MDGA2: variants seen among roughly 807,000 people sequenced by gnomAD.
The protein encoded by MDGA2 is MAM domain containing glycosylphosphatidylinositol anchor 2.
In MDGA2, 40 loss-of-function variants were observed where a neutral mutation model predicts 117.8. The ratio of observed to expected loss-of-function variants is 0.34; its 90% CI spans 0.26 to 0.44. The LOEUF is 0.44. Among genes scored for constraint, MDGA2 ranks in the 20% least tolerant of loss-of-function variants. MDGA2 has a pLI of 1.00. For missense variants in MDGA2, 1,123 were observed against 1,250.6 expected, an observed-to-expected ratio of 0.90 and a Z score of 1.54; for synonymous variants, 452 against 439.0, an observed-to-expected ratio of 1.03 and a Z score of -0.37.
chr14:47,175,740 A>G (rs1884413238), intron 3 of MDGA2, among the ~76,000 whole-genome samples: 1 of 146,330 alleles, frequency 6.8e-6, no homozygotes, highest in Non-Finnish European at 1.5e-5. Flanking sequence ...AAACTGGCAC[A>G]AGACAGGGAT....
At chr14:46,985,698 C>T (rs17117878) in intron 8 of MDGA2, among the ~76,000 whole-genome samples, 11,810 of 152,028 alleles carry the variant, frequency 0.078, 765 homozygotes, top group Admixed American at 0.19. Context: ...CTGATAAAGT[C>T]GAGCATTAGT....
chr14:46,935,042 A>G (rs1566533538), intron 9 of MDGA2, among the ~76,000 whole-genome samples: 1 of 152,094 alleles, frequency 6.6e-6, no homozygotes, highest in African/African-American at 2.4e-5. Context: ...TAAAAAAAAA[A>G]AGAGTTATGC....
intron 1 of MDGA2, among the ~76,000 whole-genome samples, chr14:47,455,870 G>C (rs1221053194): frequency 2.6e-5 from 4 of 151,982 alleles, no homozygotes; most frequent in African/African-American, 9.7e-5. Context: ...AGTGGTGGGT[G>C]CCTGTAATCC....
intron 1 of MDGA2, among the ~76,000 whole-genome samples, chr14:47,609,403 T>C (rs1304880662): frequency 2.7e-5 from 3 of 111,240 alleles, no homozygotes; most frequent in Non-Finnish European, 5.7e-5. Flanking sequence ...ATTCATTCCT[T>C]TTCTATGGCT....
At chr14:47,656,411 A>C (rs966637243) in intron 1 of MDGA2, among the ~76,000 whole-genome samples, 4 of 152,182 alleles carry the variant, frequency 2.6e-5, no homozygotes, top group Non-Finnish European at 5.9e-5. Context: ...CCAAAAAGGT[A>C]CTGCACCTGC....
At chr14:47,283,376 T>G (rs1888566002) in intron 2 of MDGA2, among the ~76,000 whole-genome samples, 1 of 152,204 alleles carries the variant, frequency 6.6e-6, no homozygotes, top group Non-Finnish European at 1.5e-5. Flanking sequence ...TCAACTCTAT[T>G]TTTTGCTATT....
intron 1 of MDGA2, among the ~76,000 whole-genome samples, chr14:47,512,339 G>T (rs1277039806): frequency 6.6e-6 from 1 of 151,994 alleles, no homozygotes; most frequent in East Asian, 1.9e-4. Context: ...TTCTGCATTA[G>T]GAAATTTTCA....
In MDGA2 at chr14:47,042,236, A is replaced by G. The variant is rs531570857; in HGVS notation, c.1526-6932T>C. ...AATAATTCTCATCCTGACCAGATAT[A>G]AACAAATGTAAAAAAGTAGGACTAA... On this transcript the variant is annotated intron_variant, in intron 7 of 16. Transcript: ENST00000399232. Among the ~76,000 whole-genome samples, 55 of 152,210 alleles carry G rather than the reference A, an allele frequency of 3.6e-4. No individual in the cohort carries two copies. In the South Asian group the frequency reaches 0.011, roughly 31 times the overall value.
intron 1 of MDGA2, among the ~76,000 whole-genome samples, chr14:47,614,095 CTTTTT>C (rs768294746): frequency 2.0e-5 from 2 of 101,702 alleles, no homozygotes; most frequent in African/African-American, 3.8e-5. Flanking sequence ...TTTCTTTTTT[CTTTTT>C]TTTTTTTTTT....
intron 1 of MDGA2, among the ~76,000 whole-genome samples, chr14:47,392,668 C>G (rs1891922649): frequency 6.6e-6 from 1 of 152,106 alleles, no homozygotes; most frequent in South Asian, 2.1e-4. Context: ...CTGCTAGGAA[C>G]AGATGAGGAG....
intron 2 of MDGA2, among the ~76,000 whole-genome samples, chr14:47,298,835 C>G (rs890486546): frequency 2.0e-5 from 3 of 151,912 alleles, no homozygotes; most frequent in Admixed American, 1.3e-4. Context: ...CAGGCACCCG[C>G]GACCACGTCC....
intron 8 of MDGA2, among the ~76,000 whole-genome samples, chr14:47,033,172 C>A (rs747658317): frequency 1.3e-5 from 2 of 151,976 alleles, no homozygotes; most frequent in African/African-American, 4.8e-5. Flanking sequence ...TATTTTCTAG[C>A]GGACTAATTA....
chr14:47,577,986 C>G (rs1388590469), intron 1 of MDGA2, among the ~76,000 whole-genome samples: 10 of 152,100 alleles, frequency 6.6e-5, no homozygotes, highest in South Asian at 6.2e-4. Flanking sequence ...TACTGGAGAG[C>G]TATTTACAAT....
chr14:46,920,333 A>C (rs1884078037), intron 9 of MDGA2, among the ~76,000 whole-genome samples, 173 bp from the exon 10 acceptor site: 1 of 152,188 alleles, frequency 6.6e-6, no homozygotes, highest in Non-Finnish European at 1.5e-5. Flanking sequence ...GGTTGATTGG[A>C]TGGGCAGTGT....
In MDGA2 at chr14:46,965,197, A is replaced by G. The variant is rs1885978705; in HGVS notation, c.1820-7554T>C. Among the ~76,000 whole-genome samples, 2 of 151,278 alleles carry G rather than the reference A, an allele frequency of 1.3e-5. 1 individual carries two copies. Among genetic ancestry groups the G allele is most frequent in the African/African-American group, 4.9e-5 (2 of 40,908 alleles). On this transcript the variant is annotated intron_variant, in intron 8 of 16. Coordinates refer to ENST00000399232, the MANE Select transcript of MDGA2 (RefSeq NM_001113498.3). ...CTCGGCCTCCCAAAGTGCTGGGATT[A>G]CAGGCGCGAGCCACCGCGCCCGGCC...
intron 2 of MDGA2, among the ~76,000 whole-genome samples, chr14:47,284,673 C>T (rs925235641): frequency 6.6e-6 from 1 of 152,066 alleles, no homozygotes; most frequent in African/African-American, 2.4e-5. Context: ...AAAATGCAAA[C>T]CCATCTCTAA....
At chr14:47,095,418 T>C (rs988607551) in intron 6 of MDGA2, among the ~76,000 whole-genome samples, 6 of 151,948 alleles carry the variant, frequency 3.9e-5, no homozygotes, top group African/African-American at 1.2e-4. Context: ...GAAGTCGAGT[T>C]CTGAGTGTGA....
chr14:47,223,664 C>T (rs549290057), intron 2 of MDGA2, among the ~76,000 whole-genome samples: 22 of 152,244 alleles, frequency 1.4e-4, no homozygotes, highest in African/African-American at 4.8e-4. Context: ...GTGGATGTTT[C>T]GGACAACCCC....
At chr14:47,598,485 G>A (rs1451328872) in intron 1 of MDGA2, among the ~76,000 whole-genome samples, 1 of 152,162 alleles carries the variant, frequency 6.6e-6, no homozygotes, top group Non-Finnish European at 1.5e-5. Flanking sequence ...ATCAAGTATT[G>A]TTCAGCCATA....
Sources: gnomAD v4.1 joint callset for allele counts (sites outside exome capture counted in the v4.1 genomes callset) on GRCh38, gnomAD v4.1.1 for gene constraint, MANE v1.5 for transcripts, NCBI Gene and HGNC (gene_info 2026-07-23, HGNC 2026-07-21) for gene names.